CWC27: variants seen among roughly 807,000 people sequenced by gnomAD.
CWC27 encodes CWC27 spliceosome associated cyclophilin.
A neutral mutation model predicts 63.6 loss-of-function variants in CWC27; 47 were observed. The observed-to-expected ratio is 0.74, with a 90% CI of 0.58 to 0.94. The LOEUF is 0.94. CWC27 is among the 40% of genes least tolerant of loss of function. The probability of loss-of-function intolerance (pLI) is 0.00; values close to 1 mark genes in which losing one functional copy is unlikely to be tolerated. For missense variants in CWC27, 495 were observed against 554.3 expected (o/e 0.89, Z 1.07); for synonymous variants, 175 against 179.8 (o/e 0.97, Z 0.22).
chr5:64,772,054 C>T (rs927180860), intron 1 of CWC27, among the ~76,000 whole-genome samples: 2 of 152,066 alleles, frequency 1.3e-5, no homozygotes, highest in African/African-American at 2.4e-5. Flanking sequence ...ATTATTATCC[C>T]GTTTTTAGAT....
At chr5:64,935,295 G>A (rs1561162291) in intron 11 of CWC27, among the ~76,000 whole-genome samples, 1 of 152,148 alleles carries the variant, frequency 6.6e-6, no homozygotes, top group Non-Finnish European at 1.5e-5. Flanking sequence ...TGTAAGGAAG[G>A]GGTCCAGTTT....
At chr5:64,824,068 T>C (rs1009893341) in intron 10 of CWC27, among the ~76,000 whole-genome samples, 6 of 152,184 alleles carry the variant, frequency 3.9e-5, no homozygotes, top group African/African-American at 1.4e-4. Context: ...GATAAAGTTC[T>C]AACTTTATCT....
chr5:64,863,176 T>G (rs567468354), intron 10 of CWC27, among the ~76,000 whole-genome samples: 1 of 152,330 alleles, frequency 6.6e-6, no homozygotes, highest in South Asian at 2.1e-4. Flanking sequence ...GTTAGATTTT[T>G]TTCTATGTAG....
At chr5:64,819,447 C>T (rs1218039702) in intron 10 of CWC27, among the ~76,000 whole-genome samples, 1 of 151,966 alleles carries the variant, frequency 6.6e-6, no homozygotes, top group Non-Finnish European at 1.5e-5. Flanking sequence ...CCCTTAATTC[C>T]CACATGTTGT....
At chr5:64,789,870 A>ACTTGCT (rs1744014067) in intron 7 of CWC27, among the ~76,000 whole-genome samples, 1 of 152,194 alleles carries the variant, frequency 6.6e-6, no homozygotes, top group Non-Finnish European at 1.5e-5. Context: ...TTTATAACCT[A>ACTTGCT]TAAGCCTTAC....
At chr5:64,774,607 T>C in intron 1 of CWC27, 84 bp from the exon 2 acceptor site, 1 of 731,002 alleles carries the variant, frequency 1.4e-6, no homozygotes, top group Non-Finnish European at 2.1e-6. Flanking sequence ...GAAAACTCAC[T>C]AGTGATTGCT....
chr5:64,936,645 T>C (rs960888716), intron 11 of CWC27, among the ~76,000 whole-genome samples: 1 of 152,192 alleles, frequency 6.6e-6, no homozygotes, highest in Admixed American at 6.5e-5. Context: ...CTTCTTTTTC[T>C]ATTTTGTGGA....
chr5:64,969,096 T>C (rs1215937595), intron 11 of CWC27, among the ~76,000 whole-genome samples: 3 of 152,202 alleles, frequency 2.0e-5, no homozygotes, highest in Non-Finnish European at 4.4e-5. Context: ...AATTAAGTGG[T>C]TGGTCCTTGC....
At chr5:64,872,212 A>C (rs1298627043) in intron 10 of CWC27, among the ~76,000 whole-genome samples, 1 of 152,186 alleles carries the variant, frequency 6.6e-6, no homozygotes, top group Non-Finnish European at 1.5e-5. Context: ...GGAGTGCTTT[A>C]GGAGGAATAG....
intron 10 of CWC27, chr5:64,808,280 A>G: frequency 4.0e-6 from 4 of 991,460 alleles, no homozygotes; most frequent in Non-Finnish European, 4.8e-6. Flanking sequence ...CTCCTGGATG[A>G]GTTCAAGTTT....
intron 10 of CWC27, among the ~76,000 whole-genome samples, chr5:64,862,422 A>G (rs1456874269): frequency 6.6e-6 from 1 of 152,230 alleles, no homozygotes; most frequent in Non-Finnish European, 1.5e-5. Context: ...CTTGGATTAA[A>G]CAATGATTGA....
chr5:64,851,540 G>T (rs1428487572), intron 10 of CWC27, among the ~76,000 whole-genome samples: 3 of 152,168 alleles, frequency 2.0e-5, no homozygotes, highest in African/African-American at 4.8e-5. Flanking sequence ...CTAAGAAAAT[G>T]AGTATCTAAT....
At chr5:64,987,536 T>C (rs1455760070) in intron 13 of CWC27, among the ~76,000 whole-genome samples, 4 of 152,246 alleles carry the variant, frequency 2.6e-5, no homozygotes, top group Non-Finnish European at 5.9e-5. Flanking sequence ...TGTTACTCTT[T>C]CTTTATTCAT....
intron 7 of CWC27, among the ~76,000 whole-genome samples, chr5:64,795,171 G>A (rs773476481): frequency 1.6e-4 from 25 of 152,108 alleles, no homozygotes; most frequent in Non-Finnish European, 2.8e-4. Flanking sequence ...AAGTTGGGAG[G>A]CGGCCATGGC....
intron 10 of CWC27, among the ~76,000 whole-genome samples, chr5:64,805,720 T>C (rs1416754918): frequency 6.6e-6 from 1 of 152,086 alleles, no homozygotes; most frequent in Non-Finnish European, 1.5e-5. Context: ...ATATACCCTA[T>C]AATATAAACT....
chr5:64,799,869 A>G (rs984222912), intron 7 of CWC27, among the ~76,000 whole-genome samples: 1 of 151,920 alleles, frequency 6.6e-6, no homozygotes, highest in Non-Finnish European at 1.5e-5. Flanking sequence ...TATAGGTGGC[A>G]TATTTGAAGA....
At chr5:64,772,963 C>T (rs1743320920) in intron 1 of CWC27, among the ~76,000 whole-genome samples, 1 of 150,100 alleles carries the variant, frequency 6.7e-6, no homozygotes, top group African/African-American at 2.4e-5. Context: ...ACTTTTTTGG[C>T]ATTGTGGTGT....
At chr5:65,014,537 A>G (rs1352785790) in intron 13 of CWC27, among the ~76,000 whole-genome samples, 1 of 152,030 alleles carries the variant, frequency 6.6e-6, no homozygotes, top group African/African-American at 2.4e-5. Context: ...GTGTGTAATT[A>G]ATTCCAAAAA....
chr5:64,826,654 T>C (rs1037034162), intron 10 of CWC27, among the ~76,000 whole-genome samples: 2 of 151,992 alleles, frequency 1.3e-5, no homozygotes, highest in Non-Finnish European at 2.9e-5. Context: ...AGTTCACTAA[T>C]TATTTTGGTT....
Sources: allele counts gnomAD v4.1 joint callset (sites outside exome capture counted in the v4.1 genomes callset), GRCh38; gene constraint gnomAD v4.1.1; transcripts MANE v1.5; gene names NCBI Gene and HGNC (gene_info 2026-07-23, HGNC 2026-07-21).